Variants in C10orf67 observed in about 807,000 individuals in gnomAD.
C10orf67 encodes uncharacterized protein C10orf67, mitochondrial.
A neutral mutation model predicts 35.6 loss-of-function variants in C10orf67; 60 were observed. That is an observed-to-expected ratio of 1.68 (90% CI 1.37 to 2.09). The LOEUF (loss-of-function observed/expected upper bound fraction) is 2.09, where lower values mean the gene tolerates loss of function less well. Among genes scored for constraint, C10orf67 ranks in the 30% most tolerant of loss-of-function variants. The probability of loss-of-function intolerance (pLI) is 0.00; values close to 1 mark genes in which losing one functional copy is unlikely to be tolerated. For missense variants in C10orf67, 474 were observed against 330.2 expected, an observed-to-expected ratio of 1.44 and a Z score of -3.38; for synonymous variants, 167 against 115.8, an observed-to-expected ratio of 1.44 and a Z score of -2.84.
At chr10:23,325,304 T>C (rs7893984) in intron 2 of C10orf67, among the ~76,000 whole-genome samples, 86,359 of 151,602 alleles carry the variant, frequency 0.57, 25,825 homozygotes, top group East Asian at 0.86. Context: ...TGCTACTGCA[T>C]TCCACCCTGG....
intron 2 of C10orf67, among the ~76,000 whole-genome samples, chr10:23,323,952 T>TATACAC (rs1564513730): frequency 3.1e-5 from 2 of 64,696 alleles, no homozygotes; most frequent in African/African-American, 5.4e-5. Context: ...TATATATATA[T>TATACAC]ACACACACAC....
chr10:23,322,638 CAT>C, intron 2 of C10orf67, 101 bp from the exon 3 acceptor site: 1 of 711,712 alleles, frequency 1.4e-6, no homozygotes, highest in African/African-American at 1.8e-5. Flanking sequence ...GATGAGAACT[CAT>C]GTGCACAAAG....
intron 8 of C10orf67, among the ~76,000 whole-genome samples, chr10:23,270,780 G>C (rs1842996760): frequency 6.6e-6 from 1 of 152,210 alleles, no homozygotes; most frequent in Non-Finnish European, 1.5e-5. Flanking sequence ...GTTCACATGA[G>C]GAGGAGTCTC....
chr10:23,226,083 G>C (rs1841732967), intron 13 of C10orf67, among the ~76,000 whole-genome samples: 1 of 152,142 alleles, frequency 6.6e-6, no homozygotes, highest in Non-Finnish European at 1.5e-5. Flanking sequence ...TCTGCACCAA[G>C]CAGACCTAAT....
chr10:23,344,037 G>T (rs1846033331), intron 1 of C10orf67: 2 of 376,712 alleles, frequency 5.3e-6, no homozygotes, highest in Non-Finnish European at 5.7e-6. Context: ...GGAGCCGCTC[G>T]CTCTCCTGAG....
intron 15 of C10orf67, among the ~76,000 whole-genome samples, chr10:23,208,020 T>A (rs1841204137): frequency 6.6e-6 from 1 of 152,212 alleles, no homozygotes; most frequent in South Asian, 2.1e-4. Flanking sequence ...GCCAATGCAA[T>A]CTGTTCTAAT....
intron 8 of C10orf67, among the ~76,000 whole-genome samples, chr10:23,268,545 G>A (rs1415995063): frequency 1.1e-4 from 16 of 152,094 alleles, no homozygotes; most frequent in Admixed American, 1.0e-3. Flanking sequence ...TACCAATAAA[G>A]CAGAACTCAA....
At chr10:23,236,641 C>G (rs1038708392) in intron 13 of C10orf67, among the ~76,000 whole-genome samples, 4 of 151,962 alleles carry the variant, frequency 2.6e-5, no homozygotes, top group Non-Finnish European at 4.4e-5. Context: ...CTTTTGGGAG[C>G]CCAAGGTGGG....
chr10:23,219,032 A>G (rs1319413835), intron 15 of C10orf67, among the ~76,000 whole-genome samples: 1 of 152,218 alleles, frequency 6.6e-6, no homozygotes, highest in African/African-American at 2.4e-5. Context: ...TCACTTTCAA[A>G]CAATATTTAT....
intron 8 of C10orf67, among the ~76,000 whole-genome samples, chr10:23,274,544 T>C (rs906501820): frequency 4.6e-5 from 7 of 152,192 alleles, no homozygotes; most frequent in South Asian, 2.1e-4. Context: ...ATAGGCTCCC[T>C]GCAGGAAGAA....
intron 3 of C10orf67, among the ~76,000 whole-genome samples, chr10:23,322,036 C>A (rs1047400204): frequency 3.9e-5 from 6 of 152,320 alleles, no homozygotes; most frequent in Admixed American, 2.0e-4. Context: ...CAGCATCCCA[C>A]CCTGGCTTCC....
intron 4 of C10orf67, among the ~76,000 whole-genome samples, chr10:23,312,391 G>A (rs905936672): frequency 6.6e-6 from 1 of 152,188 alleles, no homozygotes; most frequent in Admixed American, 6.5e-5. Context: ...GTTCTGACAT[G>A]CCTTCATAAT....
intron 5 of C10orf67, among the ~76,000 whole-genome samples, chr10:23,300,479 C>T (rs1320973779): frequency 1.3e-5 from 2 of 152,068 alleles, no homozygotes; most frequent in African/African-American, 4.8e-5. Flanking sequence ...TTTCTCCGGG[C>T]CTAAGGTGGA....
At chr10:23,338,095 C>T (rs1344281513) in intron 1 of C10orf67, among the ~76,000 whole-genome samples, 6 of 152,154 alleles carry the variant, frequency 3.9e-5, no homozygotes, top group Non-Finnish European at 4.4e-5. Flanking sequence ...GTGGATGAGC[C>T]TTTGAAAATG....
chr10:23,306,694 A>C (rs2132295230), intron 4 of C10orf67, among the ~76,000 whole-genome samples: 1 of 152,244 alleles, frequency 6.6e-6, no homozygotes, highest in East Asian at 1.9e-4. Context: ...TGTATTGTTT[A>C]CTTGAAATTT....
At position 23,222,302 on chromosome 10, in the gene C10orf67, T is replaced by C. The variant is rs375339792; in HGVS notation, c.1570+1296A>G. Among the ~76,000 whole-genome samples the C allele has an allele frequency of 8.9e-4, 136 of 152,262 alleles. 3 individuals carry two copies. The South Asian group carries it at 0.028, about 31-fold the overall frequency. ...AAATGGTTTTCTTGGCTAGGGAAAG[T>C]CAATTTTCAAGGCAAAATCCTCAAT... On this transcript the variant is annotated intron_variant, in intron 15 of 15. Coordinates refer to ENST00000636213, the MANE Select transcript of C10orf67 (RefSeq NM_001371909.1).
At chr10:23,336,475 T>A (rs905580049) in intron 1 of C10orf67, among the ~76,000 whole-genome samples, 1 of 152,220 alleles carries the variant, frequency 6.6e-6, no homozygotes, top group Non-Finnish European at 1.5e-5. Flanking sequence ...TGAGCACATC[T>A]AACACTCAGA....
At chr10:23,323,499 T>A (rs1028756143) in intron 2 of C10orf67, among the ~76,000 whole-genome samples, 1 of 151,736 alleles carries the variant, frequency 6.6e-6, no homozygotes, top group African/African-American at 2.4e-5. Flanking sequence ...AAAAAAAAAA[T>A]TTATTCTCTA....
At chr10:23,317,359 C>A (rs2132326103) in intron 4 of C10orf67, 1 of 152,398 alleles carries the variant, frequency 6.6e-6, no homozygotes, top group Admixed American at 6.5e-5. Context: ...TTCCTAGGCC[C>A]CCAAGAGCAC....
Sources: gnomAD v4.1 joint callset for allele counts (sites outside exome capture counted in the v4.1 genomes callset) on GRCh38, gnomAD v4.1.1 for gene constraint, MANE v1.5 for transcripts, NCBI Gene and HGNC (gene_info 2026-07-23, HGNC 2026-07-21) for gene names.